MICAL1: variants seen among roughly 807,000 people sequenced by gnomAD.
MICAL1 encodes the protein microtubule associated monooxygenase, calponin and LIM domain containing 1.
Under a neutral mutation model 131.8 loss-of-function variants are expected in MICAL1, and 95 were observed. The observed-to-expected ratio is 0.72, with a 90% CI of 0.61 to 0.86. The LOEUF (loss-of-function observed/expected upper bound fraction) is 0.86, where lower values mean the gene tolerates loss of function less well. MICAL1 is among the 40% of genes least tolerant of loss of function. The probability of loss-of-function intolerance (pLI) is 0.00; values close to 1 mark genes in which losing one functional copy is unlikely to be tolerated. For missense variants in MICAL1, 1,292 were observed against 1,380.6 expected (o/e 0.94, Z 1.02); for synonymous variants, 546 against 554.2 (o/e 0.99, Z 0.21).
At chr6:109,444,669 G>A in intron 24 of MICAL1, 56 bp downstream of exon 24, 11 of 1,588,536 alleles carry the variant, frequency 6.9e-6, no homozygotes, top group Non-Finnish European at 7.8e-6. Flanking sequence ...CTGAGATCAT[G>A]AGGCTTGCAT....
chr6:109,462,868 T>A (rs1775923134), intron 1 of MICAL1: 1 of 152,176 alleles, frequency 6.6e-6, no homozygotes, highest in Admixed American at 6.5e-5. Context: ...TAAAACAATT[T>A]AAAAAATGGT....
chr6:109,448,401 A>G lies in MICAL1; in HGVS notation c.1665-8T>C, dbSNP rs750506394. The G allele has an allele frequency of 1.9e-6, 3 of 1,612,498 alleles. No homozygotes were observed. Among genetic ancestry groups the G allele is most frequent in the Non-Finnish European group, 2.5e-6 (3 of 1,179,882 alleles). On this transcript the variant is annotated splice_region_variant and splice_polypyrimidine_tract_variant and intron_variant, in intron 12 of 24. Coordinates refer to ENST00000358807, the MANE Select transcript of MICAL1 (RefSeq NM_022765.4). ...TGCAGCTCTGAGGGTTCCCTGTGGG[A>G]TGTCAGGGAGAAAAGCCAACTAGAG...
intron 12 of MICAL1, 166 bp from the exon 13 acceptor site, chr6:109,448,559 C>T (rs1775354745): frequency 7.9e-7 from 1 of 1,264,066 alleles, no homozygotes; most frequent in Non-Finnish European, 1.1e-6. Context: ...AGTGACACTA[C>T]TCCTGGCTTT....
In MICAL1 at chr6:109,447,922, A is replaced by G; in HGVS notation, c.1897T>C (p.Leu633=). The G allele has an allele frequency of 6.2e-7, 1 of 1,613,204 alleles. No individual in the cohort carries two copies. The highest frequency in any genetic ancestry group is 1.3e-5 in the African/African-American group (1 of 74,934). Residue 633 remains leucine (L), a synonymous_variant, in exon 14 of 25, where the codon TTA becomes CTA. Transcript: ENST00000358807. ...GTCCTCTGAAGTTTACTAAGGAATAATACAGCACTGGAGGTCCCTGGGGAG... is the reference window on the plus strand; with the variant it reads ...GTCCTCTGAAGTTTACTAAGGAATAGTACAGCACTGGAGGTCCCTGGGGAG... The part of the protein sequence containing the change: ...QASPGTSSAV[L]FLSKLQRTLQ...
At chr6:109,446,664 C>T (rs1775235853) in intron 18 of MICAL1, 32 bp downstream of exon 18, 14 of 1,604,138 alleles carry the variant, frequency 8.7e-6, no homozygotes, top group African/African-American at 1.3e-5. Flanking sequence ...TCTTCCCATG[C>T]CCCAATATAC....
At position 109,449,401 on chromosome 6, in the gene MICAL1, G is replaced by A. The variant is rs527658443; in HGVS notation, c.1515C>T (p.Thr505=). Residue 505 remains threonine, a splice_region_variant and synonymous_variant, in exon 11 of 25, where the codon ACC becomes ACT. Coordinates refer to ENST00000358807, the MANE Select transcript of MICAL1 (RefSeq NM_022765.4). ...CCCTTGGGAGGAAGGCCTGCTCACC[G>A]GTGGCTGGCATCCCTGTATCTGTCT... ...NDKTDTGMPA[T]GSAGTQEELL... is the part of the protein sequence containing the mutation. 6.2e-6 allele frequency: 10 copies of A among 1,614,174 alleles called. No individual in the cohort carries two copies. Among genetic ancestry groups the A allele is most frequent in the African/African-American group, 4.0e-5 (3 of 75,040 alleles).
chr6:109,456,092 C>T, upstream of MICAL1: 1 of 921,848 alleles, frequency 1.1e-6, no homozygotes, highest in Non-Finnish European at 1.3e-6. Flanking sequence ...CTGAGGAGCT[C>T]GAGGGTCAGG....
chr6:109,444,635 A>G, intron 24 of MICAL1, 90 bp downstream of exon 24: 1 of 1,446,712 alleles, frequency 6.9e-7, no homozygotes, highest in Non-Finnish European at 9.7e-7. Flanking sequence ...CACAGACTAG[A>G]GCATCATGTT....
At chr6:109,456,680 C>T (rs1775759689), upstream of MICAL1, among the ~76,000 whole-genome samples, 1 of 152,148 alleles carries the variant, frequency 6.6e-6, no homozygotes, top group Non-Finnish European at 1.5e-5. Context: ...TAAGGAACAG[C>T]GCCTAAAGTG....
rs780427715 is a variant in MICAL1, at chr6:109,447,256, C to T, written c.2071-27G>A. 6.2e-6 allele frequency: 10 copies of T among 1,613,806 alleles called. No homozygotes were observed. The East Asian group carries it at 6.7e-5, about 11-fold the overall frequency. On this transcript the variant is annotated intron_variant, in intron 16 of 24. Transcript: ENST00000358807. ...TGCGTGGACCCCCAGGACACAGGGT[C>T]AGGTGGAGCCAAGGCCAGCTCCAAA...
At chr6:109,457,976 C>T (rs1775799109), upstream of MICAL1, among the ~76,000 whole-genome samples, 2 of 152,202 alleles carry the variant, frequency 1.3e-5, no homozygotes, top group African/African-American at 4.8e-5. Flanking sequence ...ACCAACCACA[C>T]TTCGTCTGCC....
At chr6:109,445,371 CAG>C in intron 21 of MICAL1, 43 bp downstream of exon 21, 1 of 1,613,400 alleles carries the variant, frequency 6.2e-7, no homozygotes, top group Non-Finnish European at 8.5e-7. Flanking sequence ...ATCTCAGTCT[CAG>C]AACTTTGACC....
chr6:109,452,655 C>T (rs1407214444), intron 4 of MICAL1, 40 bp from the exon 5 acceptor site: 6 of 1,504,974 alleles, frequency 4.0e-6, no homozygotes, highest in Admixed American at 1.8e-5. Context: ...GTGTAGAAGT[C>T]GTAAGAGCCC....
upstream of MICAL1, among the ~76,000 whole-genome samples, chr6:109,457,207 G>A (rs1775774467): frequency 6.6e-6 from 1 of 152,212 alleles, no homozygotes; most frequent in African/African-American, 2.4e-5. Flanking sequence ...TGCCAGGAGA[G>A]GCGAGGGAAT....
rs757824155 is a variant in MICAL1 at position 109,447,750 on chromosome 6, G to A, written c.1945-28C>T. The A allele has an allele frequency of 6.2e-6, 10 of 1,613,970 alleles. No individual in the cohort carries two copies. In the East Asian group the frequency reaches 1.1e-4, roughly 18 times the overall value. On this transcript the variant is annotated intron_variant, in intron 14 of 24. Coordinates refer to ENST00000358807, the MANE Select transcript of MICAL1 (RefSeq NM_022765.4). ...GCAATAAGTCCTAACAGCTCTAAGTGTGATGTTTTGAGGTCCCAGTCCTCC... is the reference window on the plus strand; with the variant it reads ...GCAATAAGTCCTAACAGCTCTAAGTATGATGTTTTGAGGTCCCAGTCCTCC...
chr6:109,456,609 C>T (rs114688356), upstream of MICAL1, among the ~76,000 whole-genome samples: 900 of 152,284 alleles, frequency 5.9e-3, 6 homozygotes, highest in African/African-American at 0.021. Flanking sequence ...TGAGGACCCA[C>T]GGGACTGTCT....
In MICAL1 at chr6:109,455,700, G is replaced by T. The variant is rs71558370; in HGVS notation, c.-44+19C>A. On this transcript the variant is annotated intron_variant, in intron 1 of 24. Coordinates refer to ENST00000358807, the MANE Select transcript of MICAL1 (RefSeq NM_022765.4). The surrounding 1 kb of genome is among the most constrained non-coding windows in gnomAD (Gnocchi z 4.7). ...CACCCGGCCGCGGGGCTCGCAGCCGGCTCCGCTGGACGACTTACCGGCGGC... is the reference window on the plus strand; with the variant it reads ...CACCCGGCCGCGGGGCTCGCAGCCGTCTCCGCTGGACGACTTACCGGCGGC... 245,823 of 983,646 alleles carry T rather than the reference G, an allele frequency of 0.25. 31,894 individuals are homozygous for T. Among genetic ancestry groups the T allele is most frequent in the Non-Finnish European group, 0.27 (221,314 of 829,438 alleles). The allele number at this position is 983,646 out of a possible 1,614,324, so 60.9% of individuals were successfully genotyped here.
upstream of MICAL1, chr6:109,455,881 T>TGGGCTTCCGCGAGGGGCGC (rs1775730671): frequency 2.8e-5 from 28 of 985,334 alleles, no homozygotes; most frequent in Non-Finnish European, 3.4e-5. The surrounding 1 kb of genome is among the most constrained non-coding windows in gnomAD (Gnocchi z 4.7). Flanking sequence ...GCGCGGAGTG[T>TGGGCTTCCGCGAGGGGCGC]GGGCTTCCGC....
chr6:109,447,091 C>T lies in MICAL1; in HGVS notation c.2209G>A (p.Glu737Lys), dbSNP rs369939778. 6.2e-6 allele frequency: 10 copies of T among 1,613,930 alleles called. No homozygotes were observed. The highest frequency in any genetic ancestry group is 3.3e-5 in the Admixed American group (2 of 59,996). Residue 737 changes from glutamate (E) to lysine (K), a missense_variant, in exon 17 of 25, where the codon GAG (glutamate) becomes AAG (lysine). By Grantham distance (56) the Glu-to-Lys change is moderately conservative (BLOSUM62 1). Coordinates refer to ENST00000358807, the MANE Select transcript of MICAL1 (RefSeq NM_022765.4). ...CEATLWPGGY[E>K]QHPGDGHFYC... ...CACTCACCATCTCCTGGGTGCTGCT[C>T]GTAGCCACCTGGCCACAGTGTGGCC... is the stretch of plus-strand genomic sequence containing the variant.
Sources: gnomAD v4.1 joint callset for allele counts (sites outside exome capture counted in the v4.1 genomes callset) on GRCh38, gnomAD v4.1.1 for gene constraint, Gnocchi (gnomAD v3.1) non-coding constraint, MANE v1.5 for transcripts, NCBI Gene and HGNC (gene_info 2026-07-23, HGNC 2026-07-21) for gene names.